The following TENM2 variants were observed in gnomAD, a reference collection of about 807,000 sequenced individuals.
TENM2 encodes the protein teneurin-2.
In TENM2, 52 loss-of-function variants were observed where a neutral mutation model predicts 245.2. That is an observed-to-expected ratio of 0.21 (90% CI 0.17 to 0.27). The LOEUF is 0.27. Ranked by LOEUF, TENM2 falls within the 10% of genes least tolerant of loss-of-function variation. The pLI is 1.00. For missense variants in TENM2, 3,046 were observed against 3,666.8 expected, an observed-to-expected ratio of 0.83 and a Z score of 4.37; for synonymous variants, 1,363 against 1,438.9, an observed-to-expected ratio of 0.95 and a Z score of 1.19.
chr5:168,201,482 A>AC (rs1761936867), intron 17 of TENM2, among the ~76,000 whole-genome samples: 2 of 151,364 alleles, frequency 1.3e-5, no homozygotes, highest in Admixed American at 1.3e-4. Flanking sequence ...GTTTTTCCAT[A>AC]CCCCCGTCTA....
chr5:167,437,220 C>T (rs1285115945), intron 2 of TENM2, among the ~76,000 whole-genome samples: 1 of 152,184 alleles, frequency 6.6e-6, no homozygotes, highest in African/African-American at 2.4e-5. Flanking sequence ...TGGGAACCCA[C>T]CTCTTGCATC....
intron 2 of TENM2, among the ~76,000 whole-genome samples, chr5:167,510,286 T>C (rs1038978771): frequency 6.6e-5 from 10 of 152,198 alleles, no homozygotes; most frequent in Admixed American, 3.3e-4. Flanking sequence ...GCTTGTCACA[T>C]CTCTAAAGCA....
At chr5:168,005,393 A>G (rs1784744363) in intron 5 of TENM2, among the ~76,000 whole-genome samples, 1 of 152,200 alleles carries the variant, frequency 6.6e-6, no homozygotes, top group Admixed American at 6.5e-5. Context: ...GAACTCTTTA[A>G]TTGCATGTCT....
intron 2 of TENM2, among the ~76,000 whole-genome samples, chr5:167,604,839 G>GT (rs141711358): frequency 0.019 from 2,848 of 152,300 alleles, 95 homozygotes; most frequent in African/African-American, 0.065. Flanking sequence ...GTATAAGGTG[G>GT]TAAAGGCACC....
At chr5:167,902,763 A>G (rs946016465) in intron 3 of TENM2, among the ~76,000 whole-genome samples, 1 of 152,176 alleles carries the variant, frequency 6.6e-6, no homozygotes, top group African/African-American at 2.4e-5. Flanking sequence ...CTCTGCCTGG[A>G]AAGTGATCGT....
chr5:167,567,661 A>T (rs777969911), intron 2 of TENM2, among the ~76,000 whole-genome samples: 1 of 152,152 alleles, frequency 6.6e-6, no homozygotes, highest in Admixed American at 6.5e-5. Context: ...TTTGACACCA[A>T]CTTGAACACT....
chr5:167,896,846 C>T (rs944554279), intron 3 of TENM2, among the ~76,000 whole-genome samples: 2 of 152,160 alleles, frequency 1.3e-5, no homozygotes, highest in Admixed American at 6.5e-5. Context: ...GTGGAAACTC[C>T]GAAAGCTGTT....
At chr5:167,311,380 C>T (rs1327148891) in intron 1 of TENM2, among the ~76,000 whole-genome samples, 2 of 151,956 alleles carry the variant, frequency 1.3e-5, no homozygotes, top group Non-Finnish European at 2.9e-5. Flanking sequence ...TATTTCCCAG[C>T]CTTTGAGTTG....
At chr5:167,192,517 G>A in the TENM2 span, among the ~76,000 whole-genome samples, 1 of 151,988 alleles carries the variant, frequency 6.6e-6, no homozygotes, top group African/African-American at 2.4e-5. Flanking sequence ...CAGGGCAAGA[G>A]GGCCAAGAGC....
intron 10 of TENM2, among the ~76,000 whole-genome samples, chr5:168,121,479 A>G (rs1193039979): frequency 2.0e-5 from 3 of 152,220 alleles, no homozygotes; most frequent in Non-Finnish European, 2.9e-5. Context: ...CACAAAGGGC[A>G]TATTTACTGG....
chr5:168,236,970 A>T lies in TENM2; in HGVS notation c.5521-7450A>T, dbSNP rs868422063. On this transcript the variant is annotated intron_variant, in intron 25 of 28. Coordinates refer to ENST00000518659, the Ensembl canonical transcript of TENM2. ...TATATATATATATATATATATATAT[A>T]TATATATATATATATATATATATAT... is the stretch of plus-strand genomic sequence containing the variant. 3.8e-3 allele frequency among the ~76,000 whole-genome samples: 11 copies of T among 2,900 alleles called. 1 individual carries two copies. The highest frequency in any genetic ancestry group is 7.0e-3 in the East Asian group (1 of 142). 1.9% of individuals were successfully genotyped at this position (2,900 alleles called of 152,430 possible). A position where few individuals can be genotyped will look rare whatever the true frequency, so the allele number is the denominator to read the frequency against.
chr5:168,042,988 T>A (rs538511437), intron 5 of TENM2, among the ~76,000 whole-genome samples: 1 of 152,154 alleles, frequency 6.6e-6, no homozygotes, highest in Non-Finnish European at 1.5e-5. Flanking sequence ...TGTCAGATCA[T>A]GATGAATTGT....
At chr5:167,746,921 A>T (rs554426779) in intron 2 of TENM2, among the ~76,000 whole-genome samples, 73 of 152,138 alleles carry the variant, frequency 4.8e-4, no homozygotes, top group Non-Finnish European at 9.6e-4. Flanking sequence ...AGTCTTTATT[A>T]AACACCTAGT....
At chr5:167,300,501 G>A (rs921269738) in intron 1 of TENM2, among the ~76,000 whole-genome samples, 1 of 152,210 alleles carries the variant, frequency 6.6e-6, no homozygotes, top group African/African-American at 2.4e-5. Context: ...GAACTAACCT[G>A]TAAGTCTTGT....
intron 2 of TENM2, among the ~76,000 whole-genome samples, chr5:167,469,867 T>G (rs575040083): frequency 6.6e-6 from 1 of 152,240 alleles, no homozygotes; most frequent in South Asian, 2.1e-4. Flanking sequence ...AACAAGAAAT[T>G]TCTTACCTTT....
chr5:167,053,475 A>C, the TENM2 span, among the ~76,000 whole-genome samples: 1 of 152,162 alleles, frequency 6.6e-6, no homozygotes. Flanking sequence ...CTTGCCTCTG[A>C]ATACATTTTA....
In TENM2 at chr5:167,725,906, T is replaced by C. The variant is rs529040683; in HGVS notation, c.503-150080T>C. ...TACCAGACTAATCTCTACTCATCCA[T>C]TAAGGCCCGCTTCAGCCCTCTCCCA... On this transcript the variant is annotated intron_variant, in intron 2 of 28. Transcript: ENST00000518659. Among the ~76,000 whole-genome samples, 4 of 152,258 alleles carry C rather than the reference T, an allele frequency of 2.6e-5. No individual in the cohort carries two copies. In the East Asian group the frequency reaches 7.8e-4, roughly 30 times the overall value.
At chr5:168,009,920 C>A (rs1785099452) in intron 5 of TENM2, among the ~76,000 whole-genome samples, 1 of 152,148 alleles carries the variant, frequency 6.6e-6, no homozygotes, top group Admixed American at 6.5e-5. Flanking sequence ...ACATCGGTAA[C>A]CATTTCTAAG....
rs374105617 is a variant in TENM2, at chr5:167,297,078, G to A, written c.226+12015G>A. Among the ~76,000 whole-genome samples the A allele has an allele frequency of 1.2e-4, 18 of 152,172 alleles. 1 individual carries two copies. The South Asian group carries it at 1.2e-3, about 10-fold the overall frequency. On this transcript the variant is annotated intron_variant, in intron 1 of 28. Transcript: ENST00000518659. Reference sequence around the variant, plus strand: ...AACCAAATCTTTATATAAATAAAATGTCTCAAGGGATTTGAGTGCAAAAGG... The same window carrying A: ...AACCAAATCTTTATATAAATAAAATATCTCAAGGGATTTGAGTGCAAAAGG...
Sources: allele counts gnomAD v4.1 joint callset (sites outside exome capture counted in the v4.1 genomes callset), GRCh38; gene constraint gnomAD v4.1.1; transcripts MANE v1.5; gene names NCBI Gene and HGNC (gene_info 2026-07-23, HGNC 2026-07-21).